Variants in PDE11A observed in about 807,000 individuals in gnomAD.
The protein encoded by PDE11A is dual 3',5'-cyclic-AMP and -GMP phosphodiesterase 11A.
PDE11A carries 100 observed loss-of-function variants against 100.5 expected under a neutral mutation model. The observed-to-expected ratio is 1.00, with a 90% confidence interval of 0.85 to 1.18. The LOEUF is 1.18. Among genes scored for constraint, PDE11A ranks in the 50% most tolerant of loss-of-function variants. The probability of loss-of-function intolerance (pLI) is 0.00; values close to 1 mark genes in which losing one functional copy is unlikely to be tolerated. For synonymous variants in PDE11A, 381 were observed against 420.8 expected (o/e 0.91, Z 1.16); for missense variants, 1,141 against 1,152.6 (o/e 0.99, Z 0.15).
intron 5 of PDE11A, 68 bp from the exon 6 acceptor site, chr2:177,840,451 T>C: frequency 7.7e-7 from 1 of 1,291,370 alleles, no homozygotes; most frequent in East Asian, 2.3e-5. Flanking sequence ...GGAAACCCTA[T>C]AAACTACACT....
intron 2 of PDE11A, among the ~76,000 whole-genome samples, chr2:177,929,896 A>G (rs975315610): frequency 6.6e-6 from 1 of 152,222 alleles, no homozygotes; most frequent in Non-Finnish European, 1.5e-5. Context: ...CTACCATTGT[A>G]TAAGTTATTT....
intron 5 of PDE11A, among the ~76,000 whole-genome samples, chr2:177,853,759 T>C (rs1256106693): frequency 1.3e-4 from 3 of 23,122 alleles, no homozygotes; most frequent in Non-Finnish European, 2.6e-4. Context: ...TATATATCTA[T>C]ATATGTATAT....
intron 5 of PDE11A, among the ~76,000 whole-genome samples, chr2:177,844,697 A>C (rs1334265972): frequency 6.6e-6 from 1 of 151,338 alleles, no homozygotes; most frequent in South Asian, 2.1e-4. Flanking sequence ...CTTCCGCAGT[A>C]TTTGTGTCCC....
chr2:178,076,267 C>T (rs923075862), upstream of PDE11A, among the ~76,000 whole-genome samples: 15 of 152,056 alleles, frequency 9.9e-5, no homozygotes, highest in Non-Finnish European at 1.9e-4. Flanking sequence ...AGGAGACTTC[C>T]TATTTGTATT....
At chr2:177,966,548 GT>G (rs71410780) in intron 2 of PDE11A, among the ~76,000 whole-genome samples, 3 of 150,922 alleles carry the variant, frequency 2.0e-5, no homozygotes, top group Non-Finnish European at 4.4e-5. Flanking sequence ...TATAGAGGGT[GT>G]TTTTTTTTAA....
intron 2 of PDE11A, among the ~76,000 whole-genome samples, chr2:177,979,439 A>C (rs1463842742): frequency 6.7e-6 from 1 of 150,282 alleles, no homozygotes; most frequent in Non-Finnish European, 1.5e-5. Context: ...CTGTCTTGTG[A>C]GTTGCCTAAG....
intron 9 of PDE11A, among the ~76,000 whole-genome samples, chr2:177,796,890 C>T (rs2082714932): frequency 6.6e-6 from 1 of 152,156 alleles, no homozygotes; most frequent in East Asian, 1.9e-4. Context: ...AAGTGAGCTG[C>T]TGGAGCCCAA....
At chr2:177,905,467 G>A (rs79417912) in intron 2 of PDE11A, among the ~76,000 whole-genome samples, 14 of 152,202 alleles carry the variant, frequency 9.2e-5, no homozygotes, top group African/African-American at 2.7e-4. Flanking sequence ...CATAGGAACT[G>A]TGTCTAAAGC....
intron 2 of PDE11A, among the ~76,000 whole-genome samples, chr2:177,983,792 G>C (rs1453294989): frequency 2.0e-5 from 3 of 152,128 alleles, no homozygotes; most frequent in Non-Finnish European, 4.4e-5. Context: ...TAGTTCACTA[G>C]ATATAGCCAT....
chr2:177,639,276 GTTGTT>G (rs1015633521), intron 19 of PDE11A, among the ~76,000 whole-genome samples: 9 of 152,252 alleles, frequency 5.9e-5, no homozygotes, highest in Non-Finnish European at 1.0e-4. Context: ...TGTTGTTGTT[GTTGTT>G]TTGTTTTGTT....
At chr2:177,979,611 C>CTTTTTTTTTTTTTTTTT (rs57168619) in intron 2 of PDE11A, among the ~76,000 whole-genome samples, 3 of 106,882 alleles carry the variant, frequency 2.8e-5, no homozygotes, top group Non-Finnish European at 1.8e-5. Context: ...CTCAGATGAT[C>CTTTTTTTTTTTTTTTTT]TTTTTTTTTT....
At chr2:177,706,176 A>G (rs933269164) in intron 13 of PDE11A, among the ~76,000 whole-genome samples, 1 of 152,210 alleles carries the variant, frequency 6.6e-6, no homozygotes, top group Non-Finnish European at 1.5e-5. Flanking sequence ...GCTCTAACGA[A>G]AGCCACACTT....
intron 10 of PDE11A, among the ~76,000 whole-genome samples, chr2:177,738,653 T>C (rs1021950408): frequency 6.6e-6 from 1 of 152,202 alleles, no homozygotes; most frequent in Non-Finnish European, 1.5e-5. Flanking sequence ...ACCTGCTGCA[T>C]TGTGGGTCTT....
intron 9 of PDE11A, among the ~76,000 whole-genome samples, chr2:177,780,362 A>G (rs1036394946): frequency 1.3e-5 from 2 of 152,208 alleles, no homozygotes; most frequent in African/African-American, 4.8e-5. Context: ...CTGGGACTAC[A>G]GGTGTACACC....
intron 10 of PDE11A, among the ~76,000 whole-genome samples, chr2:177,767,158 C>T (rs927216407): frequency 1.3e-5 from 2 of 152,066 alleles, no homozygotes; most frequent in Non-Finnish European, 2.9e-5. Context: ...GGTGAAACCC[C>T]GTCTCTACTA....
chr2:177,765,710 A>T (rs1164968101), intron 10 of PDE11A, among the ~76,000 whole-genome samples: 3 of 152,206 alleles, frequency 2.0e-5, no homozygotes, highest in Non-Finnish European at 1.5e-5. Context: ...GAGAACATGG[A>T]TCCATGGGAG....
intron 6 of PDE11A, among the ~76,000 whole-genome samples, chr2:177,838,968 G>A (rs773130055): frequency 1.3e-5 from 2 of 152,176 alleles, no homozygotes; most frequent in South Asian, 2.1e-4. Flanking sequence ...GGCACCCAAC[G>A]CAGACTAGGA....
intron 2 of PDE11A, among the ~76,000 whole-genome samples, chr2:178,000,194 G>T (rs1018959550): frequency 2.7e-5 from 4 of 146,934 alleles, no homozygotes; most frequent in Non-Finnish European, 4.5e-5. Context: ...CCAGAAAATG[G>T]TTTCATTTCT....
chr2:177,638,849 C>A (rs747821564), intron 19 of PDE11A, among the ~76,000 whole-genome samples: 1 of 152,174 alleles, frequency 6.6e-6, no homozygotes, highest in African/African-American at 2.4e-5. Flanking sequence ...GACTATTTTC[C>A]CCAGGCTGTG....
Sources: allele counts gnomAD v4.1 joint callset (sites outside exome capture counted in the v4.1 genomes callset), GRCh38; gene constraint gnomAD v4.1.1; transcripts MANE v1.5; gene names NCBI Gene and HGNC (gene_info 2026-07-23, HGNC 2026-07-21).